WWC1: variants seen among roughly 807,000 people sequenced by gnomAD.
WWC1 encodes the protein WW and C2 domain containing 1, also known as protein KIBRA.
In WWC1, 55 loss-of-function variants were observed where a neutral mutation model predicts 138.4. That is an observed-to-expected ratio of 0.40 (90% confidence interval 0.32 to 0.50). The LOEUF is 0.50. Among genes scored for constraint, WWC1 ranks in the 20% least tolerant of loss-of-function variants. The pLI, the probability that WWC1 is intolerant of heterozygous loss-of-function variation, is 0.72. For missense variants in WWC1, 1,226 were observed against 1,420.4 expected (o/e 0.86, Z 2.20); for synonymous variants, 524 against 564.9 (o/e 0.93, Z 1.03).
chr5:168,418,983 G>T (rs1780874555), intron 9 of WWC1, among the ~76,000 whole-genome samples: 1 of 152,160 alleles, frequency 6.6e-6, no homozygotes, highest in African/African-American at 2.4e-5. Context: ...AGGCCACTCT[G>T]CCTGCTGCTC....
intron 2 of WWC1, among the ~76,000 whole-genome samples, chr5:168,376,628 A>G (rs1021271486): frequency 1.3e-4 from 20 of 152,198 alleles, no homozygotes; most frequent in African/African-American, 4.8e-4. Context: ...CATTTCTGTA[A>G]ACCAATAATG....
chr5:168,364,226 C>T (rs143634483), intron 1 of WWC1, among the ~76,000 whole-genome samples: 2 of 152,200 alleles, frequency 1.3e-5, no homozygotes, highest in African/African-American at 2.4e-5. Flanking sequence ...GTTTCAGCCT[C>T]GCATCCCATT....
At chr5:168,379,596 C>T (rs755159062) in intron 2 of WWC1, among the ~76,000 whole-genome samples, 26 of 152,056 alleles carry the variant, frequency 1.7e-4, no homozygotes, top group African/African-American at 4.3e-4. Context: ...GATGGGGTTT[C>T]GCCATGTTGG....
intron 11 of WWC1, among the ~76,000 whole-genome samples, chr5:168,427,358 G>A (rs1002224094): frequency 2.6e-5 from 4 of 151,920 alleles, no homozygotes; most frequent in African/African-American, 7.3e-5. Flanking sequence ...CCTATAAGTA[G>A]GTATTATTAT....
chr5:168,300,632 C>G (rs2152740386), intron 1 of WWC1, among the ~76,000 whole-genome samples: 1 of 150,902 alleles, frequency 6.6e-6, no homozygotes, highest in East Asian at 1.9e-4. Flanking sequence ...CCTTTGTTGG[C>G]TTTTTTTTTC....
At chr5:168,352,938 G>A (rs1775099554) in intron 1 of WWC1, among the ~76,000 whole-genome samples, 1 of 152,020 alleles carries the variant, frequency 6.6e-6, no homozygotes, top group Non-Finnish European at 1.5e-5. Flanking sequence ...ATTGCTGTGG[G>A]GATTAAATGG....
At chr5:168,407,796 A>G (rs1178901871) in intron 6 of WWC1, among the ~76,000 whole-genome samples, 1 of 152,050 alleles carries the variant, frequency 6.6e-6, no homozygotes, top group East Asian at 1.9e-4. Flanking sequence ...TGTATTCACT[A>G]GTGTTTTATA....
At chr5:168,361,500 T>C (rs1456225144) in intron 1 of WWC1, among the ~76,000 whole-genome samples, 1 of 152,078 alleles carries the variant, frequency 6.6e-6, no homozygotes, top group East Asian at 1.9e-4. Flanking sequence ...TATAATAGGG[T>C]TAGTTAGCCT....
intron 1 of WWC1, among the ~76,000 whole-genome samples, chr5:168,300,085 C>T (rs114626878): frequency 0.014 from 2,175 of 152,298 alleles, 49 homozygotes; most frequent in African/African-American, 0.048. Context: ...CAAAAAACTC[C>T]CGTCTTGCCT....
At position 168,292,240 on chromosome 5, in the gene WWC1, C is replaced by G; in HGVS notation, c.88C>G (p.Arg30Gly). 6.3e-7 allele frequency: 1 copy of G among 1,597,580 alleles called. No homozygotes were observed. The highest frequency in any genetic ancestry group is 8.5e-7 in the Non-Finnish European group (1 of 1,172,722). Residue 30 changes from arginine to glycine, a missense_variant, in exon 1 of 23, where the codon CGC (arginine) becomes GGC (glycine). By Grantham distance (125) the Arg-to-Gly change is moderately radical. This residue lies in a region of WWC1 where 1,016 missense variants were observed against 1,153.9 expected (regional missense o/e 0.88). Transcript: ENST00000265293. The surrounding 1 kb of genome is among the most constrained non-coding windows in gnomAD (Gnocchi z 4.4). ...GGTCTACTACATAGACCACACGAAC[C>G]GCACCACCAGCTGGATCGACCCGCG... ...GKVYYIDHTN[R>G]TTSWIDPRDR...
intron 17 of WWC1, among the ~76,000 whole-genome samples, chr5:168,445,772 A>T (rs1038058266): frequency 6.7e-6 from 1 of 150,266 alleles, no homozygotes; most frequent in Non-Finnish European, 1.5e-5. Context: ...CCATGGTGTT[A>T]CTGGGAATCC....
intron 17 of WWC1, among the ~76,000 whole-genome samples, chr5:168,453,548 C>T (rs6891284): frequency 0.63 from 94,885 of 151,230 alleles, 29,986 homozygotes; most frequent in Middle Eastern, 0.7. Context: ...CATTAACAAT[C>T]TTTTTTTTTG....
intron 5 of WWC1, among the ~76,000 whole-genome samples, chr5:168,399,837 GC>G (rs1411629271): frequency 6.6e-6 from 1 of 152,180 alleles, no homozygotes; most frequent in Admixed American, 6.5e-5. Context: ...GTTCCACTCA[GC>G]CGAGTGTTAC....
chr5:168,413,921 A>G (rs896478777), intron 8 of WWC1, among the ~76,000 whole-genome samples: 5 of 152,208 alleles, frequency 3.3e-5, no homozygotes, highest in African/African-American at 7.2e-5. Flanking sequence ...AGGACTTACT[A>G]TGTGCCAAGT....
rs1582411592 is a variant in WWC1, at chr5:168,468,932, G to A, written c.3276-19G>A. 6.2e-7 allele frequency: 1 copy of A among 1,614,122 alleles called. No individual in the cohort carries two copies. Among genetic ancestry groups the A allele is most frequent in the South Asian group, 1.1e-5 (1 of 91,082 alleles). ...CGAGGTTGAAAACCCCTGCTCTAAA[G>A]GGATGGCCTCTCTTATAGGGAGAAG... On this transcript the variant is annotated intron_variant, in intron 22 of 22. Transcript: ENST00000265293.
intron 1 of WWC1, among the ~76,000 whole-genome samples, chr5:168,369,693 A>G (rs1388063108): frequency 6.6e-6 from 1 of 152,074 alleles, no homozygotes; most frequent in East Asian, 1.9e-4. Context: ...ACCAAAAGGT[A>G]TTTTTCATAG....
chr5:168,352,364 C>T (rs1775034383), intron 1 of WWC1, among the ~76,000 whole-genome samples: 1 of 152,120 alleles, frequency 6.6e-6, no homozygotes, highest in African/African-American at 2.4e-5. Flanking sequence ...AAATATCATT[C>T]ATTGAGCTCT....
At chr5:168,296,547 C>G (rs531949873) in intron 1 of WWC1, among the ~76,000 whole-genome samples, 1 of 152,324 alleles carries the variant, frequency 6.6e-6, no homozygotes, top group African/African-American at 2.4e-5. Flanking sequence ...TTCATAACCC[C>G]TGCCATAGAT....
intron 1 of WWC1, among the ~76,000 whole-genome samples, chr5:168,346,791 T>C (rs1774513599): frequency 6.6e-6 from 1 of 152,166 alleles, no homozygotes; most frequent in Non-Finnish European, 1.5e-5. Context: ...GTCTTATTTT[T>C]TAATGTGACA....
Sources: gnomAD v4.1 joint callset for allele counts (sites outside exome capture counted in the v4.1 genomes callset) on GRCh38, gnomAD v4.1.1 for gene constraint, gnomAD v4.1.1 regional missense constraint, Gnocchi (gnomAD v3.1) non-coding constraint, MANE v1.5 for transcripts, NCBI Gene and HGNC (gene_info 2026-07-23, HGNC 2026-07-21) for gene names.